PSMD1: variants seen among roughly 807,000 people sequenced by gnomAD.
PSMD1 encodes the protein 26S proteasome non-ATPase regulatory subunit 1.
PSMD1 carries 18 observed loss-of-function variants against 119.0 expected under a neutral mutation model. That is an observed-to-expected ratio of 0.15 (90% CI 0.10 to 0.22). PSMD1 has a LOEUF of 0.22. Ranked by LOEUF, PSMD1 falls within the 10% of genes least tolerant of loss-of-function variation. The probability of loss-of-function intolerance (pLI) is 1.00; values close to 1 mark genes in which losing one functional copy is unlikely to be tolerated. For synonymous variants in PSMD1, 374 were observed against 396.6 expected (o/e 0.94, Z 0.68); for missense variants, 702 against 1,158.5 (o/e 0.61, Z 5.72).
intron 9 of PSMD1, among the ~76,000 whole-genome samples, chr2:231,077,646 T>G (rs1263533249): frequency 6.6e-6 from 1 of 152,202 alleles, no homozygotes; most frequent in Non-Finnish European, 1.5e-5. Context: ...CAGTGTTTGT[T>G]GAGATATTGC....
At chr2:231,061,990 T>A in intron 2 of PSMD1, among the ~76,000 whole-genome samples, 1 of 152,258 alleles carries the variant, frequency 6.6e-6, no homozygotes, top group Non-Finnish European at 1.5e-5. Flanking sequence ...CTCTAGATAC[T>A]TGATTCCTTT....
At position 231,057,010 on chromosome 2, in the gene PSMD1, A is replaced by C; in HGVS notation, c.-16A>C. The C allele has an allele frequency of 6.5e-7, 1 of 1,539,782 alleles. No homozygotes were observed. The highest frequency in any genetic ancestry group is 1.2e-5 in the South Asian group (1 of 83,846). ...GGAACGGCGAGCGAGCCGACGGGCG[A>C]GTGAGGGGCGCAGCCATGATCACCT... On this transcript the variant is annotated 5_prime_UTR_variant, in exon 1 of 25. Coordinates refer to ENST00000308696, the MANE Select transcript of PSMD1 (RefSeq NM_002807.4).
At chr2:231,110,296 A>C (rs915616383) in intron 16 of PSMD1, among the ~76,000 whole-genome samples, 1 of 152,156 alleles carries the variant, frequency 6.6e-6, no homozygotes, top group Non-Finnish European at 1.5e-5. Flanking sequence ...CTCCACGCTC[A>C]GCGACAAAGT....
chr2:231,079,418 A>G, intron 10 of PSMD1, 118 bp from the exon 11 acceptor site: 2 of 537,354 alleles, frequency 3.7e-6, no homozygotes, highest in East Asian at 6.2e-5. Flanking sequence ...CTTGAGATCC[A>G]CAAAGTAATT....
In PSMD1 at chr2:231,084,072, G is replaced by C. The variant is rs1057258509; in HGVS notation, c.1722+309G>C. ...TTTAGAAATAATAATTTTTGGGCCA[G>C]GCGTGGTGGCTCACGCCTGTAATCC... On this transcript the variant is annotated intron_variant, in intron 14 of 24. Transcript: ENST00000308696. 3.3e-5 allele frequency among the ~76,000 whole-genome samples: 5 copies of C among 152,118 alleles called. No individual in the cohort carries two copies. In the South Asian group the frequency reaches 1.0e-3, roughly 31 times the overall value.
chr2:231,108,621 G>T, intron 16 of PSMD1: 1 of 1,613,936 alleles, frequency 6.2e-7, no homozygotes, highest in Non-Finnish European at 8.5e-7. Flanking sequence ...GAACTTCGGA[G>T]CCTCATTGGA....
intron 16 of PSMD1, among the ~76,000 whole-genome samples, chr2:231,097,321 C>A (rs1322484727): frequency 6.6e-6 from 1 of 152,210 alleles, no homozygotes; most frequent in African/African-American, 2.4e-5. Context: ...AACTACTTTT[C>A]TAGCCATCCT....
rs766028460 is a variant in PSMD1 at position 231,080,242 on chromosome 2, T to C, written c.1341T>C (p.Gly447=). The C allele has an allele frequency of 2.5e-6, 4 of 1,613,140 alleles. No individual in the cohort carries two copies. Among genetic ancestry groups the C allele is most frequent in the Non-Finnish European group, 3.4e-6 (4 of 1,179,116 alleles). Residue 447 remains glycine (G), a synonymous_variant, in exon 12 of 25, where the codon GGT becomes GGC. Transcript: ENST00000308696. ...YQEGGGLYAL[G]LIHANHGGDI... is the part of the protein sequence containing the mutation. ...AAGGTGGAGGTCTCTATGCACTAGG[T>C]CTTATTCATGCCAATCATGGTGGTG...
rs534200784 is a variant in PSMD1 at position 231,147,461 on chromosome 2, C to T, written c.2115+1105C>T. ...GCAGTGAGCTGTGGTTGTGCCACTG[C>T]ACTCCAGCCTGGGTGACAGAGCAAG... On this transcript the variant is annotated intron_variant, in intron 18 of 24. Transcript: ENST00000308696. 1.1e-4 allele frequency among the ~76,000 whole-genome samples: 17 copies of T among 152,296 alleles called. No individual in the cohort carries two copies. In the South Asian group the frequency reaches 3.3e-3, roughly 30 times the overall value.
intron 16 of PSMD1, among the ~76,000 whole-genome samples, chr2:231,105,863 C>T (rs1004084661): frequency 6.6e-6 from 1 of 152,114 alleles, no homozygotes; most frequent in Non-Finnish European, 1.5e-5. Flanking sequence ...CAATTTGATA[C>T]ATATTCTCTG....
intron 17 of PSMD1, among the ~76,000 whole-genome samples, chr2:231,143,853 A>G (rs748966080): frequency 1.3e-5 from 2 of 152,238 alleles, no homozygotes; most frequent in Non-Finnish European, 2.9e-5. Flanking sequence ...GGAAATACTG[A>G]TAAATATTTT....
chr2:231,153,524 G>A, intron 18 of PSMD1, 40 bp from the exon 19 acceptor site: 1 of 1,378,220 alleles, frequency 7.3e-7, no homozygotes, highest in African/African-American at 1.4e-5. Context: ...TACCGCAAAT[G>A]AGTAGACTTA....
chr2:231,056,924 G>A lies in PSMD1; in HGVS notation c.-102G>A. ...AGGCGACTGACTGAGCAGCGCACCCGGGGAGCAAGGAGGCGCGGTGAACTG... is the reference window on the plus strand; with the variant it reads ...AGGCGACTGACTGAGCAGCGCACCCAGGGAGCAAGGAGGCGCGGTGAACTG... On this transcript the variant is annotated 5_prime_UTR_variant, in exon 1 of 25. Coordinates refer to ENST00000308696, the MANE Select transcript of PSMD1 (RefSeq NM_002807.4). 2 of 1,472,296 alleles carry A rather than the reference G, an allele frequency of 1.4e-6. No homozygotes were observed. The highest frequency in any genetic ancestry group is 1.2e-5 in the South Asian group (1 of 82,522). The allele number at this position is 1,472,296 out of a possible 1,614,324, so 91.2% of individuals were successfully genotyped here.
rs1314051730 is a variant in PSMD1 at position 231,082,925 on chromosome 2, A to T, written c.1456A>T (p.Met486Leu). Residue 486 changes from methionine to leucine, a missense_variant, in exon 13 of 25, where the codon ATG (methionine) becomes TTG (leucine). By Grantham distance (15) the Met-to-Leu change is conservative. Around this residue, in one of 9 missense-constraint regions of PSMD1, gnomAD observed 272 missense variants for 511.6 expected, o/e 0.53. Coordinates refer to ENST00000308696, the MANE Select transcript of PSMD1 (RefSeq NM_002807.4). ...GGSLGLGLAA[M>L]GTARQDVYDL... ...CAGTCTGGGCCTTGGTTTGGCAGCC[A>T]TGGGAACTGCACGTCAAGATGTTTA... The T allele has an allele frequency of 6.2e-7, 1 of 1,614,156 alleles. No individual in the cohort carries two copies. The highest frequency in any genetic ancestry group is 1.7e-5 in the Admixed American group (1 of 60,024).
Position 231,116,393 on chromosome 2 carries a change from T to G in PSMD1, c.1884-22343T>G, listed in dbSNP as rs150156635. On this transcript the variant is annotated intron_variant, in intron 16 of 24. Transcript: ENST00000308696. ...AAAGGCAGGTAATTATTGTGTTATA[T>G]CTTAGATTTCCTTCCTTGAAGTCCT... is the stretch of plus-strand genomic sequence containing the variant. 8.8e-4 allele frequency among the ~76,000 whole-genome samples: 134 copies of G among 152,264 alleles called. 1 individual carries two copies. Among genetic ancestry groups the G allele is most frequent in the African/African-American group, 3.0e-3 (124 of 41,576 alleles).
At chr2:231,066,657 G>A (rs150934285) in intron 4 of PSMD1, among the ~76,000 whole-genome samples, 27 of 152,310 alleles carry the variant, frequency 1.8e-4, no homozygotes, top group African/African-American at 6.3e-4. Flanking sequence ...GGGACTGTGG[G>A]TGAGCACTAC....
At position 231,161,393 on chromosome 2, in the gene PSMD1, C is replaced by T; in HGVS notation, c.2272C>T (p.Pro758Ser). ...LQSRTGHTHM[P>S]SVVGVLVFTQ... Reference sequence around the variant, plus strand: ...GTCCAGGACTGGGCATACTCATATGCCTTCTGTGGTTGGCGTCCTTGTATT... The same window carrying T: ...GTCCAGGACTGGGCATACTCATATGTCTTCTGTGGTTGGCGTCCTTGTATT... The change falls in exon 20 of 25, where the codon CCT (proline) becomes TCT (serine). Residue 758 changes from proline (P) to serine (S), a missense_variant. Around this residue, in one of 9 missense-constraint regions of PSMD1, gnomAD observed 152 missense variants for 239.3 expected, o/e 0.64. Transcript: ENST00000308696. The T allele has an allele frequency of 1.2e-6, 2 of 1,613,738 alleles. No individual in the cohort carries two copies. Among genetic ancestry groups the T allele is most frequent in the South Asian group, 2.2e-5 (2 of 91,068 alleles).
chr2:231,065,454 G>A (rs1353094451), intron 4 of PSMD1, among the ~76,000 whole-genome samples: 3 of 114,280 alleles, frequency 2.6e-5, no homozygotes, highest in African/African-American at 4.8e-5. Flanking sequence ...CACCACACCC[G>A]GCTAATTTTT....
intron 14 of PSMD1, among the ~76,000 whole-genome samples, chr2:231,084,610 G>T (rs1694388094): frequency 6.6e-6 from 1 of 152,054 alleles, no homozygotes; most frequent in South Asian, 2.1e-4. Context: ...TAATTAATTT[G>T]TTCAGTTACC....
Sources: allele counts gnomAD v4.1 joint callset (sites outside exome capture counted in the v4.1 genomes callset), GRCh38; gene constraint gnomAD v4.1.1; regional missense constraint gnomAD v4.1.1; transcripts MANE v1.5; gene names NCBI Gene and HGNC (gene_info 2026-07-23, HGNC 2026-07-21).